The following ZFHX3 variants were observed in gnomAD, a reference collection of about 807,000 sequenced individuals.
ZFHX3 encodes the protein zinc finger homeobox 3.
ZFHX3 carries 42 observed loss-of-function variants against 279.1 expected under a neutral mutation model. That is an observed-to-expected ratio of 0.15 (90% CI 0.12 to 0.19). ZFHX3 has a LOEUF of 0.19. ZFHX3 is among the 10% of genes least tolerant of loss of function. ZFHX3 has a pLI of 1.00. For synonymous variants in ZFHX3, 2,293 were observed against 1,957.8 expected (o/e 1.17, Z -4.52); for missense variants, 4,981 against 4,754.0 (o/e 1.05, Z -1.40).
intron 1 of ZFHX3, among the ~76,000 whole-genome samples, chr16:73,831,761 A>G (rs1401031686): frequency 6.6e-6 from 1 of 152,138 alleles, no homozygotes; most frequent in East Asian, 1.9e-4. Context: ...AACTAAGAGG[A>G]GATAGGATGG....
intron 1 of ZFHX3, among the ~76,000 whole-genome samples, chr16:73,006,888 T>C (rs960915374): frequency 6.6e-5 from 10 of 152,196 alleles, no homozygotes; most frequent in Admixed American, 5.9e-4. Context: ...GCAATGTAAA[T>C]GCTATATAAA....
intron 1 of ZFHX3, among the ~76,000 whole-genome samples, chr16:73,857,611 A>G (rs1336808580): frequency 1.3e-5 from 2 of 152,196 alleles, no homozygotes; most frequent in East Asian, 3.9e-4. Context: ...TGTTCCTCCA[A>G]AGTAAACAAG....
chr16:72,787,252 G>A lies in ZFHX3; in HGVS notation c.11024C>T (p.Pro3675Leu), dbSNP rs201360310. 66 of 1,614,026 alleles carry A rather than the reference G, an allele frequency of 4.1e-5. No homozygotes were observed. Among genetic ancestry groups the A allele is most frequent in the Non-Finnish European group, 5.3e-5 (63 of 1,180,006 alleles). The change falls in exon 10 of 10, where the codon CCG (proline) becomes CTG (leucine). Residue 3675 changes from proline to leucine, a missense_variant. This residue lies in a region of ZFHX3 where 1,034 missense variants were observed against 786.0 expected (regional missense o/e 1.32). Transcript: ENST00000268489. ...TTTGGGACCCTCCACCGGGCTCGCC[G>A]GTCCGTCGGACTTTTGGCTGAGATC... Reference protein sequence around the residue: ...DTDLSQKSDGPASPVEGPKDP... With the variant: ...DTDLSQKSDGLASPVEGPKDP...
chr16:73,862,869 G>A (rs1481274891), intron 1 of ZFHX3, among the ~76,000 whole-genome samples: 1 of 152,146 alleles, frequency 6.6e-6, no homozygotes, highest in Non-Finnish European at 1.5e-5. Flanking sequence ...CAACTTTAGA[G>A]TAAGTTATCT....
intron 2 of ZFHX3, among the ~76,000 whole-genome samples, chr16:73,672,596 A>C (rs1231208739): frequency 6.6e-6 from 1 of 152,110 alleles, no homozygotes; most frequent in Non-Finnish European, 1.5e-5. Context: ...CATCATAAAA[A>C]ATGATCATAA....
At chr16:73,540,403 AC>A (rs1274688043) in intron 2 of ZFHX3, among the ~76,000 whole-genome samples, 1 of 152,148 alleles carries the variant, frequency 6.6e-6, no homozygotes, top group Non-Finnish European at 1.5e-5. Flanking sequence ...AAAGGAAATA[AC>A]CCCTTTTTTC....
chr16:73,482,654 G>A (rs1184332819), intron 2 of ZFHX3, among the ~76,000 whole-genome samples: 1 of 152,180 alleles, frequency 6.6e-6, no homozygotes, highest in Admixed American at 6.5e-5. Context: ...TGTTCAATTT[G>A]TACAAATGGA....
intron 1 of ZFHX3, among the ~76,000 whole-genome samples, chr16:73,803,712 C>T (rs1017214252): frequency 1.3e-4 from 20 of 152,136 alleles, no homozygotes; most frequent in Non-Finnish European, 4.4e-5. Flanking sequence ...AAGAACAAGA[C>T]TTGAAAAGAT....
At chr16:73,560,207 G>C (rs1286731375) in intron 2 of ZFHX3, among the ~76,000 whole-genome samples, 1 of 151,128 alleles carries the variant, frequency 6.6e-6, no homozygotes, top group Non-Finnish European at 1.5e-5. Flanking sequence ...ATCTTTTCAA[G>C]GACTATTTCA....
At chr16:73,666,953 A>G (rs778916850) in intron 2 of ZFHX3, among the ~76,000 whole-genome samples, 1 of 151,924 alleles carries the variant, frequency 6.6e-6, no homozygotes, top group Non-Finnish European at 1.5e-5. Context: ...CATTCTTGTT[A>G]TTGCTGAGTA....
chr16:73,186,215 G>A (rs925995931), intron 5 of ZFHX3, among the ~76,000 whole-genome samples: 1 of 152,070 alleles, frequency 6.6e-6, no homozygotes, highest in Admixed American at 6.5e-5. Flanking sequence ...ACAATAAATG[G>A]AACATGCTTG....
chr16:73,420,345 C>A (rs1329401504), intron 3 of ZFHX3: 1 of 152,182 alleles, frequency 6.6e-6, no homozygotes, highest in African/African-American at 2.4e-5. Flanking sequence ...TAGATAGTAT[C>A]TAATGGTTTT....
At chr16:72,939,003 C>T (rs1350726093) in intron 3 of ZFHX3, among the ~76,000 whole-genome samples, 3 of 136,060 alleles carry the variant, frequency 2.2e-5, no homozygotes, top group Non-Finnish European at 4.9e-5. Context: ...CTTGCTGACT[C>T]ATGTCTAGGA....
At chr16:73,248,946 C>T (rs557841467) in intron 5 of ZFHX3, among the ~76,000 whole-genome samples, 3 of 152,242 alleles carry the variant, frequency 2.0e-5, no homozygotes, top group African/African-American at 7.2e-5. Flanking sequence ...TCTGGCCCAG[C>T]GCCCAAGGCA....
intron 2 of ZFHX3, among the ~76,000 whole-genome samples, chr16:73,472,469 T>A (rs2018687222): frequency 6.6e-6 from 1 of 152,090 alleles, no homozygotes; most frequent in Non-Finnish European, 1.5e-5. Context: ...CTCCACCACA[T>A]TGGAAGAGAG....
intron 2 of ZFHX3, chr16:73,609,028 T>C (rs2052219200): frequency 6.6e-6 from 1 of 152,226 alleles, no homozygotes; most frequent in Non-Finnish European, 1.5e-5. Flanking sequence ...AAATTACTCA[T>C]AAACTTTGTA....
At position 72,788,206 on chromosome 16, in the gene ZFHX3, G is replaced by A. The variant is rs868834675; in HGVS notation, c.10070C>T (p.Pro3357Leu). ...CTGGTACTGCTGCAGTAGGGAGCCT[G>A]GGGACAGCCCCATCAGGGCCTGCGA... ...ALSQALMGLS[P>L]GSLLQQYQQY... Residue 3357 changes from proline to leucine, a missense_variant, in exon 10 of 10, where the codon CCA becomes CTA. Around this residue, in one of 7 missense-constraint regions of ZFHX3, gnomAD observed 1,034 missense variants for 786.0 expected, o/e 1.32. Coordinates refer to ENST00000268489, the MANE Select transcript of ZFHX3 (RefSeq NM_006885.4). The A allele has an allele frequency of 6.2e-7, 1 of 1,612,782 alleles. No individual in the cohort carries two copies. The highest frequency in any genetic ancestry group is 8.5e-7 in the Non-Finnish European group (1 of 1,179,158).
chr16:73,384,089 C>A (rs34948512), intron 3 of ZFHX3, among the ~76,000 whole-genome samples: 22,208 of 152,260 alleles, frequency 0.15, 1,741 homozygotes, highest in East Asian at 0.33. Flanking sequence ...CAAACAGAGG[C>A]AACAACCATG....
At chr16:72,956,903 G>T (rs1485827483) in intron 2 of ZFHX3, among the ~76,000 whole-genome samples, 1 of 151,614 alleles carries the variant, frequency 6.6e-6, no homozygotes, top group East Asian at 1.9e-4. Context: ...TATCTGGATG[G>T]TTCCCTAGCT....
Sources: allele counts gnomAD v4.1 joint callset (sites outside exome capture counted in the v4.1 genomes callset), GRCh38; gene constraint gnomAD v4.1.1; regional missense constraint gnomAD v4.1.1; transcripts MANE v1.5; gene names NCBI Gene and HGNC (gene_info 2026-07-23, HGNC 2026-07-21).